The following CNTN5 variants were observed in gnomAD, a reference collection of about 807,000 sequenced individuals.
The protein encoded by CNTN5 is contactin-5.
Under a neutral mutation model 129.1 loss-of-function variants are expected in CNTN5, and 77 were observed. The ratio of observed to expected loss-of-function variants is 0.60; its 90% confidence interval spans 0.50 to 0.72. CNTN5 has a LOEUF of 0.72. Among genes scored for constraint, CNTN5 ranks in the 30% least tolerant of loss-of-function variants. CNTN5 has a pLI of 0.00. For missense variants in CNTN5, 1,478 were observed against 1,328.8 expected (o/e 1.11, Z -1.75); for synonymous variants, 509 against 465.6 (o/e 1.09, Z -1.20).
At chr11:99,788,176 T>A (rs1030047632) in intron 3 of CNTN5, among the ~76,000 whole-genome samples, 2 of 151,956 alleles carry the variant, frequency 1.3e-5, no homozygotes, top group Non-Finnish European at 2.9e-5. Flanking sequence ...TTTACGATTT[T>A]CCGTGATGTT....
intron 4 of CNTN5, among the ~76,000 whole-genome samples, chr11:99,840,680 G>T (rs573537781): frequency 2.6e-5 from 4 of 152,192 alleles, no homozygotes; most frequent in South Asian, 2.1e-4. Flanking sequence ...CGTTAACATT[G>T]TGTGTGATGA....
chr11:99,747,354 T>C (rs1944086315), intron 3 of CNTN5, among the ~76,000 whole-genome samples: 1 of 152,064 alleles, frequency 6.6e-6, no homozygotes, highest in East Asian at 1.9e-4. Context: ...AAGTAATCTG[T>C]AAACAGATAC....
chr11:99,843,067 C>A (rs187954330), intron 4 of CNTN5, among the ~76,000 whole-genome samples: 154 of 152,212 alleles, frequency 1.0e-3, no homozygotes, highest in Admixed American at 2.8e-3. Flanking sequence ...CCTGTCTCTA[C>A]TAAAAATACA....
chr11:99,943,385 G>GAT (rs1950485552), intron 7 of CNTN5, among the ~76,000 whole-genome samples: 1 of 151,484 alleles, frequency 6.6e-6, no homozygotes, highest in Non-Finnish European at 1.5e-5. Context: ...ATGGGGTTGT[G>GAT]TTTTTTCTTG....
intron 8 of CNTN5, among the ~76,000 whole-genome samples, chr11:99,999,879 T>C (rs1296661422): frequency 2.0e-5 from 3 of 152,046 alleles, no homozygotes; most frequent in South Asian, 2.1e-4. Context: ...AAATTGGAAA[T>C]CATCATTCTC....
At chr11:99,374,132 C>T (rs895972510) in intron 2 of CNTN5, among the ~76,000 whole-genome samples, 1 of 152,154 alleles carries the variant, frequency 6.6e-6, no homozygotes, top group East Asian at 1.9e-4. Flanking sequence ...GTTAATGACA[C>T]AATTGAATTT....
At chr11:100,209,046 A>G (rs148942963) in intron 15 of CNTN5, among the ~76,000 whole-genome samples, 146 of 152,266 alleles carry the variant, frequency 9.6e-4, no homozygotes, top group African/African-American at 3.3e-3. Context: ...ACGCAATGCA[A>G]TTGTCTGTTT....
chr11:99,110,485 A>T (rs570726117), intron 1 of CNTN5, among the ~76,000 whole-genome samples: 1 of 152,238 alleles, frequency 6.6e-6, no homozygotes, highest in Non-Finnish European at 1.5e-5. Context: ...TGGCCTTGGG[A>T]TGCTAATAGC....
rs1297034055 is a variant in CNTN5 at position 100,182,356 on chromosome 11, A to G, written c.1581-8770A>G. Among the ~76,000 whole-genome samples, 8 of 151,898 alleles carry G rather than the reference A, an allele frequency of 5.3e-5. No individual in the cohort carries two copies. The East Asian group carries it at 1.6e-3, about 29-fold the overall frequency. ...CCCTCTTTTTGGTTTACAGATGGCT[A>G]TTTTCCTTCTGTGTCCTCACTTGTC... On this transcript the variant is annotated intron_variant, in intron 13 of 24. Coordinates refer to ENST00000524871, the MANE Select transcript of CNTN5 (RefSeq NM_014361.4).
At chr11:99,171,096 A>G (rs910372994) in intron 1 of CNTN5, among the ~76,000 whole-genome samples, 20 of 152,164 alleles carry the variant, frequency 1.3e-4, no homozygotes, top group Admixed American at 1.0e-3. Flanking sequence ...TGTAATCCAA[A>G]GTATTGCACG....
At chr11:99,849,920 T>C (rs1208770658) in intron 6 of CNTN5, among the ~76,000 whole-genome samples, 1 of 152,144 alleles carries the variant, frequency 6.6e-6, no homozygotes, top group Admixed American at 6.5e-5. Flanking sequence ...AGAAGTTCTT[T>C]TTCTAAACTT....
At chr11:100,135,493 G>T (rs1194487360) in intron 13 of CNTN5, among the ~76,000 whole-genome samples, 1 of 151,994 alleles carries the variant, frequency 6.6e-6, no homozygotes, top group African/African-American at 2.4e-5. Flanking sequence ...TTTTTTAAAA[G>T]AATTATATTT....
chr11:99,963,399 C>T (rs1591489779), intron 8 of CNTN5, among the ~76,000 whole-genome samples: 5 of 152,238 alleles, frequency 3.3e-5, no homozygotes. Flanking sequence ...TTCCCAGCAC[C>T]ATTTATTAAA....
chr11:100,019,944 T>C lies in CNTN5; in HGVS notation c.980+17808T>C, dbSNP rs138308212. On this transcript the variant is annotated intron_variant, in intron 9 of 24. Coordinates refer to ENST00000524871, the MANE Select transcript of CNTN5 (RefSeq NM_014361.4). ...ACCTGTTGACCATTTGTACCTCTTTTTTTGAGAACTGTCTATTCAATCCTT... is the reference window on the plus strand; with the variant it reads ...ACCTGTTGACCATTTGTACCTCTTTCTTTGAGAACTGTCTATTCAATCCTT... Among the ~76,000 whole-genome samples, 271 of 152,144 alleles carry C rather than the reference T, an allele frequency of 1.8e-3. 1 individual carries two copies. Among genetic ancestry groups the C allele is most frequent in the African/African-American group, 5.7e-3 (237 of 41,566 alleles).
chr11:99,169,075 TG>T (rs913048409), intron 1 of CNTN5, among the ~76,000 whole-genome samples: 1 of 152,230 alleles, frequency 6.6e-6, no homozygotes, highest in African/African-American at 2.4e-5. Flanking sequence ...TTGTTCTTTT[TG>T]GGTTAATTAA....
intron 9 of CNTN5, among the ~76,000 whole-genome samples, chr11:100,022,428 C>T (rs1565796186): frequency 6.6e-6 from 1 of 152,064 alleles, no homozygotes; most frequent in Non-Finnish European, 1.5e-5. Flanking sequence ...CTTTATTCTA[C>T]CTTCTTTTGT....
chr11:100,049,233 G>A (rs1239598089), intron 9 of CNTN5, among the ~76,000 whole-genome samples: 1 of 151,952 alleles, frequency 6.6e-6, no homozygotes, highest in Admixed American at 6.6e-5. Flanking sequence ...ATATAATAAT[G>A]TGTTAGAGGG....
chr11:99,758,984 G>C (rs1209852238), intron 3 of CNTN5, among the ~76,000 whole-genome samples: 1 of 152,056 alleles, frequency 6.6e-6, no homozygotes, highest in African/African-American at 2.4e-5. Flanking sequence ...TATTCCAAAA[G>C]AATATGATGA....
chr11:99,269,593 G>A (rs1018206773), intron 1 of CNTN5, among the ~76,000 whole-genome samples: 4 of 151,802 alleles, frequency 2.6e-5, no homozygotes, highest in African/African-American at 7.3e-5. Context: ...CAGAGTCAAT[G>A]TAAGGTCTTC....
Sources: gnomAD v4.1 joint callset for allele counts (sites outside exome capture counted in the v4.1 genomes callset) on GRCh38, gnomAD v4.1.1 for gene constraint, MANE v1.5 for transcripts, NCBI Gene and HGNC (gene_info 2026-07-23, HGNC 2026-07-21) for gene names.